Variants in C1orf52 observed in about 807,000 individuals in gnomAD.
The protein encoded by C1orf52 is chromosome 1 open reading frame 52.
C1orf52 carries 5 observed loss-of-function variants against 17.2 expected under a neutral mutation model. The ratio of observed to expected loss-of-function variants is 0.29; its 90% CI spans 0.15 to 0.61. The LOEUF (loss-of-function observed/expected upper bound fraction) is 0.61. Ranked by LOEUF, C1orf52 falls within the 20% of genes least tolerant of loss-of-function variation. The probability of loss-of-function intolerance (pLI) is 0.85; values close to 1 mark genes in which losing one functional copy is unlikely to be tolerated. For synonymous variants in C1orf52, 110 were observed against 88.0 expected (o/e 1.25, Z -1.40); for missense variants, 245 against 234.1 (o/e 1.05, Z -0.30).
Position 85,259,474 on chromosome 1 carries a change from T to C in C1orf52, c.160A>G (p.Lys54Glu). The change falls in exon 1 of 3, where the codon AAG becomes GAG. Residue 54 changes from lysine (K) to glutamate (E), a missense_variant. Coordinates refer to ENST00000471115, the MANE Select transcript of C1orf52 (RefSeq NM_198077.4). ...AGCTCGTCAGGTCCCGGGAGCCGCT[T>C]CTCCGCCTTGTTCCTACAGCCGCCC... Reference protein sequence around the residue: ...SAGGCRNKAEKRLPGPDELFR... With the variant: ...SAGGCRNKAEERLPGPDELFR... 6.2e-7 allele frequency: 1 copy of C among 1,613,870 alleles called. No homozygotes were observed. The highest frequency in any genetic ancestry group is 8.5e-7 in the Non-Finnish European group (1 of 1,179,994).
intron 1 of C1orf52, chr1:85,258,973 T>C (rs1660019278): frequency 7.3e-7 from 1 of 1,375,948 alleles, no homozygotes; most frequent in Non-Finnish European, 9.4e-7. Context: ...ACGCCAAGGC[T>C]GACCCCTTCA....
At position 85,259,437 on chromosome 1, in the gene C1orf52, A is replaced by C. The variant is rs1557780812; in HGVS notation, c.197T>G (p.Val66Gly). ...LPGPDELFRS[V>G]TRPAFLYNPL... is the part of the protein sequence containing the mutation. Reference sequence around the variant, plus strand: ...ATTGTAGAGAAAGGCCGGGCGAGTCACGCTCCTAAACAGCTCGTCAGGTCC... The same window carrying C: ...ATTGTAGAGAAAGGCCGGGCGAGTCCCGCTCCTAAACAGCTCGTCAGGTCC... The change falls in exon 1 of 3, where the codon GTG becomes GGG. Residue 66 changes from valine (V) to glycine (G), a missense_variant. By Grantham distance (109) the Val-to-Gly change is moderately radical (BLOSUM62 -3). Coordinates refer to ENST00000471115, the MANE Select transcript of C1orf52 (RefSeq NM_198077.4). 1.2e-6 allele frequency: 2 copies of C among 1,613,956 alleles called. No homozygotes were observed. Among genetic ancestry groups the C allele is most frequent in the Non-Finnish European group, 1.7e-6 (2 of 1,179,996 alleles).
chr1:85,254,444 T>C (rs961028277), intron 2 of C1orf52, among the ~76,000 whole-genome samples: 1 of 150,738 alleles, frequency 6.6e-6, no homozygotes, highest in Non-Finnish European at 1.5e-5. Flanking sequence ...CAGGATGGAG[T>C]GCAGTGGCAC....
intron 2 of C1orf52, among the ~76,000 whole-genome samples, chr1:85,257,260 G>A (rs1659967247): frequency 6.6e-6 from 1 of 152,218 alleles, no homozygotes; most frequent in African/African-American, 2.4e-5. Context: ...TACAAGTGAT[G>A]AGGGCAATCA....
intron 2 of C1orf52, among the ~76,000 whole-genome samples, chr1:85,254,020 A>G (rs1479215286): frequency 6.6e-6 from 1 of 152,248 alleles, no homozygotes; most frequent in Non-Finnish European, 1.5e-5. Flanking sequence ...TATTGAAAGG[A>G]GCCTTCATTA....
chr1:85,259,254 G>T, intron 1 of C1orf52, 104 bp downstream of exon 1: 2 of 1,397,352 alleles, frequency 1.4e-6, no homozygotes, highest in Non-Finnish European at 1.9e-6. Context: ...TCCCGCGGGG[G>T]TGACTGCGTG....
intron 1 of C1orf52, 129 bp from the exon 2 acceptor site, chr1:85,258,851 A>G: frequency 5.6e-6 from 8 of 1,419,098 alleles, no homozygotes; most frequent in Non-Finnish European, 7.4e-6. Context: ...GTTGAAAGAC[A>G]CATTTTTCCA....
rs747300123 is a variant in C1orf52 at position 85,252,721 on chromosome 1, G to A, written c.476-19C>T. 6 of 1,580,212 alleles carry A rather than the reference G, an allele frequency of 3.8e-6. No individual in the cohort carries two copies. The South Asian group carries it at 5.6e-5, about 15-fold the overall frequency. On this transcript the variant is annotated intron_variant, in intron 2 of 2. Coordinates refer to ENST00000471115, the MANE Select transcript of C1orf52 (RefSeq NM_198077.4). ...TCATCATCTTTAAATAGAAAAGGAA[G>A]AGTTTCAATCAGTAATTTTAAAAAA...
chr1:85,259,290 G>A (rs1660027979), intron 1 of C1orf52, 68 bp downstream of exon 1: 1 of 1,539,300 alleles, frequency 6.5e-7, no homozygotes, highest in Non-Finnish European at 8.8e-7. Context: ...CAGGTCCCCA[G>A]CAGGGGGCTC....
At chr1:85,259,266 G>A (rs1260608686) in intron 1 of C1orf52, 92 bp downstream of exon 1, 4 of 1,448,742 alleles carry the variant, frequency 2.8e-6, no homozygotes, top group Non-Finnish European at 3.8e-6. Context: ...GACTGCGTGT[G>A]GGGGGATGGA....
At chr1:85,257,795 A>G (rs1162618590) in intron 2 of C1orf52, among the ~76,000 whole-genome samples, 1 of 152,240 alleles carries the variant, frequency 6.6e-6, no homozygotes. Flanking sequence ...TCTGAAGCAC[A>G]ACTGCTTTAA....
At chr1:85,258,148 G>C (rs1659994186) in intron 2 of C1orf52, among the ~76,000 whole-genome samples, 1 of 150,936 alleles carries the variant, frequency 6.6e-6, no homozygotes, top group South Asian at 2.1e-4. Flanking sequence ...AAAAGAAAAA[G>C]AAGAAAAAAA....
chr1:85,259,286 C>A, intron 1 of C1orf52, 72 bp downstream of exon 1: 11 of 1,503,172 alleles, frequency 7.3e-6, no homozygotes, highest in Non-Finnish European at 9.8e-6. Context: ...ACAGCAGGTC[C>A]CCAGCAGGGG....
In C1orf52 at chr1:85,259,510, C is replaced by T. The variant is rs1660036522; in HGVS notation, c.124G>A (p.Ala42Thr). The T allele has an allele frequency of 6.2e-7, 1 of 1,613,918 alleles. No homozygotes were observed. Among genetic ancestry groups the T allele is most frequent in the Non-Finnish European group, 8.5e-7 (1 of 1,180,024 alleles). Residue 42 changes from alanine to threonine, a missense_variant, in exon 1 of 3, where the codon GCG becomes ACG. Coordinates refer to ENST00000471115, the MANE Select transcript of C1orf52 (RefSeq NM_198077.4). ...EETSRRTPDP[A>T]KSAGGCRNKA... ...TTCCTACAGCCGCCCGCCGACTTCG[C>T]CGGATCCGGGGTTCTGCGACTCGTC...
At chr1:85,258,433 A>T in intron 2 of C1orf52, 91 bp downstream of exon 2, 1 of 1,149,788 alleles carries the variant, frequency 8.7e-7, no homozygotes, top group Non-Finnish European at 1.3e-6. Context: ...TCAATTCGCT[A>T]GATTTAATTT....
At chr1:85,257,362 A>T in intron 2 of C1orf52, 1 of 663,766 alleles carries the variant, frequency 1.5e-6, no homozygotes, top group South Asian at 1.7e-5. Flanking sequence ...TTGAAGGATG[A>T]ATTAGTTTAC....
rs1570316047 is a variant in C1orf52, at chr1:85,252,764, T to G, written c.476-62A>C. On this transcript the variant is annotated intron_variant, in intron 2 of 2. Transcript: ENST00000471115. ...TTAAAAAACCCAACATGTTAAGCAT[T>G]AAAATTTCACTGGCTTTATACCAAA... 5.9e-6 allele frequency: 7 copies of G among 1,193,444 alleles called. No individual in the cohort carries two copies. The East Asian group carries it at 9.6e-5, about 16-fold the overall frequency. The allele number at this position is 1,193,444 out of a possible 1,614,324, so 73.9% of individuals were successfully genotyped here. A position where few individuals can be genotyped will look rare whatever the true frequency, so the allele number is the denominator to read the frequency against.
chr1:85,258,896 G>C (rs2100735391), intron 1 of C1orf52, 174 bp from the exon 2 acceptor site: 2 of 1,432,416 alleles, frequency 1.4e-6, no homozygotes, highest in African/African-American at 1.4e-5. Context: ...AAAAGCCAAA[G>C]GGTTCCCTAT....
In C1orf52 at chr1:85,257,272, C is replaced by T. The variant is rs149188847; in HGVS notation, c.475+1252G>A. ...ACATACAAGTGATGAGGGCAATCAA[C>T]AGCATTAGCATAAACAAGGTACAAA... On this transcript the variant is annotated intron_variant, in intron 2 of 2. Coordinates refer to ENST00000471115, the MANE Select transcript of C1orf52 (RefSeq NM_198077.4). 9.2e-5 allele frequency among the ~76,000 whole-genome samples: 14 copies of T among 152,296 alleles called. No homozygotes were observed. The East Asian group carries it at 2.7e-3, about 29-fold the overall frequency.
Sources: gnomAD v4.1 joint callset for allele counts (sites outside exome capture counted in the v4.1 genomes callset) on GRCh38, gnomAD v4.1.1 for gene constraint, MANE v1.5 for transcripts, NCBI Gene and HGNC (gene_info 2026-07-23, HGNC 2026-07-21) for gene names.